IQSEC2: variants seen among roughly 807,000 people sequenced by gnomAD.
IQSEC2 encodes the protein IQ motif and Sec7 domain ArfGEF 2.
Under a neutral mutation model 74.6 loss-of-function variants are expected in IQSEC2, and 6 were observed. The observed-to-expected ratio is 0.08, with a 90% CI of 0.04 to 0.16. IQSEC2 has a LOEUF of 0.16. IQSEC2 is among the 10% of genes least tolerant of loss of function. IQSEC2 has a pLI of 1.00. For synonymous variants in IQSEC2, 494 were observed against 544.5 expected (o/e 0.91, Z 1.29); for missense variants, 734 against 1,306.2 (o/e 0.56, Z 6.75).
At chrX:53,315,809 C>T (rs1252823040) in intron 1 of IQSEC2, among the ~76,000 whole-genome samples, 1 of 111,952 alleles carries the variant, frequency 8.9e-6, no homozygotes. Flanking sequence ...ATGCTCCAGG[C>T]CTTTACTCTG....
At chrX:53,255,723 A>G (rs1293513839) in intron 3 of IQSEC2, 77 bp downstream of exon 3, 7 of 1,133,826 alleles carry the variant, frequency 6.2e-6, no homozygotes, top group Non-Finnish European at 8.4e-6. Flanking sequence ...ACCACCCCCA[A>G]GAGCCACATC....
intron 2 of IQSEC2, among the ~76,000 whole-genome samples, chrX:53,274,620 C>T (rs2074798945): frequency 1.9e-5 from 2 of 107,981 alleles, no homozygotes; most frequent in Non-Finnish European, 3.8e-5. Context: ...CGCCACCACG[C>T]CTGGCTAATT....
Position 53,234,187 on chromosome X carries a change from T to C in IQSEC2, c.*32A>G. 2.7e-6 allele frequency: 2 copies of C among 732,751 alleles called. No homozygotes were observed. The highest frequency in any genetic ancestry group is 3.0e-4 in the Middle Eastern group (1 of 3,286). 60.4% of individuals were successfully genotyped at this position (732,751 alleles called of 1,213,427 possible). A position where few individuals can be genotyped will look rare whatever the true frequency, so the allele number is the denominator to read the frequency against. On this transcript the variant is annotated 3_prime_UTR_variant, in exon 15 of 15. Coordinates refer to ENST00000642864, the MANE Select transcript of IQSEC2 (RefSeq NM_001111125.3). ...GTCCCTCTCCTGTGGCTCCCCAGAC[T>C]TTCCTGTTCCCCAGCTCACTCTCTC... is the stretch of plus-strand genomic sequence containing the variant.
At chrX:53,244,655 C>A (rs1261728697) in intron 8 of IQSEC2, among the ~76,000 whole-genome samples, 7 of 110,653 alleles carry the variant, frequency 6.3e-5, no homozygotes, top group African/African-American at 2.3e-4. Flanking sequence ...TTGACATTTA[C>A]AAAAACATTT....
chrX:53,250,276 C>T lies in IQSEC2; in HGVS notation c.2297+3G>A. 1 of 1,210,661 alleles carries T rather than the reference C, an allele frequency of 8.3e-7. No homozygotes were observed. Among genetic ancestry groups the T allele is most frequent in the Non-Finnish European group, 1.1e-6 (1 of 895,302 alleles). The stretch of plus-strand genomic sequence containing the variant: ...TAAGCAGGCTAGAACGGGGAGCACG[C>T]ACTTGTTGAAGAGGTTGAGGCCGAT... On this transcript the variant is annotated splice_donor_region_variant and intron_variant, in intron 5 of 14. Transcript: ENST00000642864.
At chrX:53,304,645 G>C (rs183610010) in intron 1 of IQSEC2, among the ~76,000 whole-genome samples, 72 of 112,068 alleles carry the variant, frequency 6.4e-4, no homozygotes, top group African/African-American at 2.3e-3. Context: ...AAGAAAGGCA[G>C]AGATTACAAC....
chrX:53,251,571 A>C (rs1426006338), intron 4 of IQSEC2, among the ~76,000 whole-genome samples: 1 of 111,734 alleles, frequency 8.9e-6, no homozygotes, highest in African/African-American at 3.3e-5. Flanking sequence ...GGAAATCCAT[A>C]ACATTTGACC....
intron 1 of IQSEC2, among the ~76,000 whole-genome samples, chrX:53,292,800 C>T (rs1486877336): frequency 8.1e-5 from 9 of 111,451 alleles, no homozygotes; most frequent in Admixed American, 1.9e-4. Flanking sequence ...TATGTGCGCG[C>T]GCACGTGTGT....
intron 1 of IQSEC2, among the ~76,000 whole-genome samples, chrX:53,308,279 G>A (rs1556877221): frequency 1.8e-5 from 2 of 109,553 alleles, no homozygotes; most frequent in African/African-American, 6.6e-5. Flanking sequence ...TGGTTACCTA[G>A]GTGTTTGGTT....
At position 53,321,162 on chromosome X, in the gene IQSEC2, C is replaced by T; in HGVS notation, c.-39G>A. ...GGGCAGGGGAACGGGCAGGAGAGCC[C>T]TGTCCCCGCTCTCTCACGGCGCCAC... On this transcript the variant is annotated 5_prime_UTR_variant, in exon 1 of 15. Coordinates refer to ENST00000642864, the MANE Select transcript of IQSEC2 (RefSeq NM_001111125.3). 1 of 891,202 alleles carries T rather than the reference C, an allele frequency of 1.1e-6. No individual in the cohort carries two copies. The allele number at this position is 891,202 out of a possible 1,213,427, so 73.4% of individuals were successfully genotyped here. A position where few individuals can be genotyped will look rare whatever the true frequency, so the allele number is the denominator to read the frequency against.
At chrX:53,281,564 GTGTCTCC>G in intron 2 of IQSEC2, 1 of 1,144,242 alleles carries the variant, frequency 8.7e-7, no homozygotes, top group Non-Finnish European at 1.2e-6. Flanking sequence ...GGCCTAGCCG[GTGTCTCC>G]ACCGTGTCAC....
At chrX:53,280,196 G>C (rs1556870556) in intron 2 of IQSEC2, among the ~76,000 whole-genome samples, 1 of 91,454 alleles carries the variant, frequency 1.1e-5, no homozygotes, top group Non-Finnish European at 2.2e-5. Context: ...GGAGGGGAAG[G>C]GGGGATGAAA....
intron 2 of IQSEC2, chrX:53,267,030 C>T: frequency 8.7e-6 from 10 of 1,154,864 alleles, no homozygotes; most frequent in Non-Finnish European, 1.1e-5. Context: ...TCTTCCTCTT[C>T]CTCTTCCTCA....
chrX:53,278,828 C>T (rs910713150), intron 2 of IQSEC2, among the ~76,000 whole-genome samples: 4 of 112,115 alleles, frequency 3.6e-5, no homozygotes, highest in African/African-American at 1.3e-4. Context: ...GTTAATATTT[C>T]CTTTTATTGA....
At chrX:53,270,910 G>A (rs1426663433) in intron 2 of IQSEC2, among the ~76,000 whole-genome samples, 5 of 110,605 alleles carry the variant, frequency 4.5e-5, no homozygotes, top group Non-Finnish European at 7.6e-5. Context: ...CTATGCCCAC[G>A]ACCTTGGCTT....
chrX:53,321,284 G>A lies in IQSEC2; in HGVS notation c.-161C>T, dbSNP rs1172562532. On this transcript the variant is annotated 5_prime_UTR_variant, in exon 1 of 15. Coordinates refer to ENST00000642864, the MANE Select transcript of IQSEC2 (RefSeq NM_001111125.3). ...GGCCCTAGGGGGCCCGGGAGACAGCGCTGGGGCCGGCGGCACGGGGAGCAG... is the reference window on the plus strand; with the variant it reads ...GGCCCTAGGGGGCCCGGGAGACAGCACTGGGGCCGGCGGCACGGGGAGCAG... The A allele has an allele frequency of 6.4e-6, 2 of 313,996 alleles. No homozygotes were observed. The highest frequency in any genetic ancestry group is 5.4e-6 in the Non-Finnish European group (1 of 184,398). The allele number at this position is 313,996 out of a possible 1,213,427, so 25.9% of individuals were successfully genotyped here.
At chrX:53,283,928 A>T (rs1017111097) in intron 2 of IQSEC2, among the ~76,000 whole-genome samples, 1 of 112,087 alleles carries the variant, frequency 8.9e-6, no homozygotes, top group Non-Finnish European at 1.9e-5. Context: ...GGCAGAGGAA[A>T]CAACCTGGAC....
intron 2 of IQSEC2, among the ~76,000 whole-genome samples, chrX:53,272,229 C>CT (rs2074755053): frequency 9.0e-6 from 1 of 110,937 alleles, no homozygotes; most frequent in Admixed American, 9.6e-5. Flanking sequence ...TGTCAGGGCC[C>CT]TTCTCAGTCT....
intron 10 of IQSEC2, 118 bp downstream of exon 10, chrX:53,241,666 C>T: frequency 2.0e-6 from 2 of 1,021,399 alleles, no homozygotes; most frequent in Admixed American, 2.4e-5. Context: ...GATGGCATGG[C>T]AGAACACCTC....
Sources: gnomAD v4.1 joint callset for allele counts (sites outside exome capture counted in the v4.1 genomes callset) on GRCh38, gnomAD v4.1.1 for gene constraint, MANE v1.5 for transcripts, NCBI Gene and HGNC (gene_info 2026-07-23, HGNC 2026-07-21) for gene names.